TAFA4: variants seen among roughly 807,000 people sequenced by gnomAD.
The protein encoded by TAFA4 is chemokine-like protein TAFA-4.
A neutral mutation model predicts 21.1 loss-of-function variants in TAFA4; 20 were observed. The ratio of observed to expected loss-of-function variants is 0.95; its 90% CI spans 0.67 to 1.38. The LOEUF (loss-of-function observed/expected upper bound fraction) is 1.38, where lower values mean the gene tolerates loss of function less well. TAFA4 is among the 40% of genes most tolerant of loss of function. TAFA4 has a pLI of 0.00. For synonymous variants in TAFA4, 71 were observed against 67.4 expected, an observed-to-expected ratio of 1.05 and a Z score of -0.26; for missense variants, 211 against 180.9, an observed-to-expected ratio of 1.17 and a Z score of -0.95.
chr3:68,843,548 T>A (rs912449186), intron 3 of TAFA4, among the ~76,000 whole-genome samples: 7 of 152,238 alleles, frequency 4.6e-5, no homozygotes, highest in African/African-American at 1.7e-4. Flanking sequence ...GAACTTCCTA[T>A]ATTATGTTGA....
At chr3:68,813,171 AAGC>A (rs1329016037) in intron 3 of TAFA4, among the ~76,000 whole-genome samples, 1 of 152,074 alleles carries the variant, frequency 6.6e-6, no homozygotes, top group East Asian at 1.9e-4. Context: ...GACACATTCA[AAGC>A]AGTGTGTAGA....
Position 68,917,753 on chromosome 3 carries a change from CA to C in TAFA4, c.-123+14486del, listed in dbSNP as rs55853026. Among the ~76,000 whole-genome samples, 318 of 58,194 alleles carry C rather than the reference CA, an allele frequency of 5.5e-3. 3 individuals carry two copies. Among genetic ancestry groups the C allele is most frequent in the African/African-American group, 0.013 (199 of 15,520 alleles). 38.2% of individuals were successfully genotyped at this position (58,194 alleles called of 152,430 possible). A position where few individuals can be genotyped will look rare whatever the true frequency, so the allele number is the denominator to read the frequency against. Reference sequence around the variant, plus strand: ...TGGACGACAGAGCGAGACTCTGTCTCAAAAAAAAAAAAAAAAAAAAGAAAGT... The same window carrying C: ...TGGACGACAGAGCGAGACTCTGTCTCAAAAAAAAAAAAAAAAAAAGAAAGT... On this transcript the variant is annotated intron_variant, in intron 1 of 5. Coordinates refer to ENST00000295569, the MANE Select transcript of TAFA4 (RefSeq NM_182522.5).
chr3:68,785,462 C>T lies in TAFA4; in HGVS notation c.131-32444G>A, dbSNP rs139984506. Among the ~76,000 whole-genome samples, 233 of 152,330 alleles carry T rather than the reference C, an allele frequency of 1.5e-3. 1 individual carries two copies. The highest frequency in any genetic ancestry group is 0.013 in the Admixed American group (192 of 15,314). ...GCTGCGGGTCCCAAGCCCTGCCCCG[C>T]GCGGGAAGGCAGCTAAGGCCCGGCG... is the stretch of plus-strand genomic sequence containing the variant. On this transcript the variant is annotated intron_variant, in intron 3 of 5. Transcript: ENST00000295569.
At chr3:68,880,976 C>A in intron 2 of TAFA4, 131 bp from the exon 3 acceptor site, 1 of 656,868 alleles carries the variant, frequency 1.5e-6, no homozygotes, top group Non-Finnish European at 2.7e-6. Flanking sequence ...CCCAAGAAAA[C>A]AGAAGACCAA....
chr3:68,818,760 C>G (rs998940721), intron 3 of TAFA4, among the ~76,000 whole-genome samples: 2 of 152,126 alleles, frequency 1.3e-5, no homozygotes, highest in African/African-American at 4.8e-5. Context: ...TACCTGGGCA[C>G]AGTGCATGGT....
chr3:68,913,521 G>A (rs1031436216), intron 1 of TAFA4: 1 of 152,216 alleles, frequency 6.6e-6, no homozygotes, highest in Non-Finnish European at 1.5e-5. Context: ...GTGATGGAAG[G>A]GGCAGGGAAA....
At chr3:68,739,568 GC>G (rs1490444569) in intron 4 of TAFA4, among the ~76,000 whole-genome samples, 1 of 152,090 alleles carries the variant, frequency 6.6e-6, no homozygotes, top group Non-Finnish European at 1.5e-5. Context: ...AAAGACACCT[GC>G]ACTCATATGT....
chr3:68,755,400 C>T (rs1169766737), intron 3 of TAFA4, among the ~76,000 whole-genome samples: 2 of 152,156 alleles, frequency 1.3e-5, no homozygotes, highest in Non-Finnish European at 2.9e-5. Context: ...TCTCATGGCT[C>T]GACCTGAGTG....
At chr3:68,772,595 G>C (rs769192166) in intron 3 of TAFA4, among the ~76,000 whole-genome samples, 13 of 152,190 alleles carry the variant, frequency 8.5e-5, no homozygotes, top group Non-Finnish European at 1.6e-4. Flanking sequence ...CTTGGACTGA[G>C]AGTTACACCA....
intron 4 of TAFA4, among the ~76,000 whole-genome samples, chr3:68,739,521 A>C (rs1702309204): frequency 6.6e-6 from 1 of 152,342 alleles, no homozygotes; most frequent in African/African-American, 2.4e-5. Flanking sequence ...CACTGAATCC[A>C]GCAATCCCAC....
chr3:68,828,464 G>C (rs982926410), intron 3 of TAFA4, among the ~76,000 whole-genome samples: 1 of 152,060 alleles, frequency 6.6e-6, no homozygotes, highest in African/African-American at 2.4e-5. Flanking sequence ...AAATTACCTT[G>C]GGCAGTATGG....
At position 68,880,772 on chromosome 3, in the gene TAFA4, T is replaced by C. The variant is rs192405598; in HGVS notation, c.88A>G (p.Lys30Glu). Reference sequence around the variant, plus strand: ...TGCTGGCTTGAGGCGGACATCAGCTTACAGCACACCATTAACACGTAGGCT... The same window carrying C: ...TGCTGGCTTGAGGCGGACATCAGCTCACAGCACACCATTAACACGTAGGCT... ...FLAYVLMVCC[K>E]LMSASSQHLR... Residue 30 changes from lysine to glutamate, a missense_variant, in exon 3 of 6, where the codon AAG becomes GAG. Transcript: ENST00000295569. 2.1e-5 allele frequency: 34 copies of C among 1,613,982 alleles called. No individual in the cohort carries two copies. In the Admixed American group the frequency reaches 3.8e-4, roughly 18 times the overall value.
At chr3:68,837,371 C>T (rs987585948) in intron 3 of TAFA4, among the ~76,000 whole-genome samples, 1 of 152,180 alleles carries the variant, frequency 6.6e-6, no homozygotes, top group Non-Finnish European at 1.5e-5. Flanking sequence ...GCCCAAGAAA[C>T]ACTGCCACAA....
In TAFA4 at chr3:68,780,155, T is replaced by C. The variant is rs546513597; in HGVS notation, c.131-27137A>G. On this transcript the variant is annotated intron_variant, in intron 3 of 5. Transcript: ENST00000295569. ...CAATTTCTCCCATTTGGAATGACTA[T>C]ATTTACCCAATGCATGTACCCCCAT... Among the ~76,000 whole-genome samples the C allele has an allele frequency of 5.9e-5, 9 of 152,358 alleles. No homozygotes were observed. The East Asian group carries it at 1.2e-3, about 20-fold the overall frequency.
At chr3:68,857,140 G>T (rs891216995) in intron 3 of TAFA4, among the ~76,000 whole-genome samples, 2 of 152,156 alleles carry the variant, frequency 1.3e-5, no homozygotes, top group African/African-American at 4.8e-5. Context: ...TGTTCGAAAT[G>T]TGGCAATCAG....
At chr3:68,905,511 G>A (rs2089890869) in intron 1 of TAFA4, among the ~76,000 whole-genome samples, 1 of 152,062 alleles carries the variant, frequency 6.6e-6, no homozygotes. Flanking sequence ...AAATTAATAT[G>A]TCAGATACTG....
intron 3 of TAFA4, among the ~76,000 whole-genome samples, chr3:68,774,331 C>A (rs577160831): frequency 6.6e-6 from 1 of 152,280 alleles, no homozygotes; most frequent in Admixed American, 6.5e-5. Context: ...TAAGAGACTA[C>A]ATTTTATTGA....
At chr3:68,907,322 C>T (rs1045519149) in intron 1 of TAFA4, among the ~76,000 whole-genome samples, 2 of 152,158 alleles carry the variant, frequency 1.3e-5, no homozygotes, top group African/African-American at 4.8e-5. Context: ...TTGTTTCTAG[C>T]CAGCTCTTTA....
At chr3:68,845,583 C>A (rs1349653234) in intron 3 of TAFA4, among the ~76,000 whole-genome samples, 1 of 152,130 alleles carries the variant, frequency 6.6e-6, no homozygotes, top group Non-Finnish European at 1.5e-5. Flanking sequence ...GGTTATTTTG[C>A]CCATTAGTTG....
Sources: gnomAD v4.1 joint callset for allele counts (sites outside exome capture counted in the v4.1 genomes callset) on GRCh38, gnomAD v4.1.1 for gene constraint, MANE v1.5 for transcripts, NCBI Gene and HGNC (gene_info 2026-07-23, HGNC 2026-07-21) for gene names.